The following DNAH5 variants were observed in gnomAD, a reference collection of about 807,000 sequenced individuals.
DNAH5 encodes the protein axonemal beta dynein heavy chain 5.
A neutral mutation model predicts 518.2 loss-of-function variants in DNAH5; 372 were observed. That is an observed-to-expected ratio of 0.72 (90% CI 0.66 to 0.78). DNAH5 has a LOEUF of 0.78. DNAH5 is among the 30% of genes least tolerant of loss of function. The pLI, the probability that DNAH5 is intolerant of heterozygous loss-of-function variation, is 0.00. For missense variants in DNAH5, 5,523 were observed against 5,687.0 expected (o/e 0.97, Z 0.93); for synonymous variants, 2,039 against 2,025.9 (o/e 1.01, Z -0.17).
At chr5:13,838,785 C>G (rs781363582) in intron 35 of DNAH5, among the ~76,000 whole-genome samples, 38 of 152,032 alleles carry the variant, frequency 2.5e-4, no homozygotes, top group Non-Finnish European at 5.1e-4. Flanking sequence ...GAGACCAATC[C>G]CTGGTGCCAG....
Position 13,727,644 on chromosome 5 carries a change from C to T in DNAH5, c.11896G>A (p.Glu3966Lys). 1.2e-6 allele frequency: 2 copies of T among 1,613,830 alleles called. No individual in the cohort carries two copies. The highest frequency in any genetic ancestry group is 1.7e-6 in the Non-Finnish European group (2 of 1,179,770). The change falls in exon 70 of 79, where the codon GAG becomes AAG. Residue 3966 changes from glutamate to lysine, a missense_variant. Coordinates refer to ENST00000265104, the MANE Select transcript of DNAH5 (RefSeq NM_001369.3). ...TCAAACCAAATTTTCCACATTTTCT[C>T]ATTTCTCGATATCTGAAAATACCAT... The part of the protein sequence containing the change: ...SDVLDQISRN[E>K]KMWKIWFDKE...
In DNAH5 at chr5:13,988,336, G is replaced by C. The variant is rs186287374; in HGVS notation, c.12+23312C>G. 5.8e-3 allele frequency among the ~76,000 whole-genome samples: 879 copies of C among 152,260 alleles called. 6 individuals carry two copies. Among genetic ancestry groups the C allele is most frequent in the Non-Finnish European group, 9.0e-3 (612 of 68,016 alleles). ...ATTTGTATCACAGGATGTTTGAGGA[G>C]GGCTGTGGCTCTGTTGTACTTTAAT... On this transcript the variant is annotated intron_variant, in intron 1 of 78. Transcript: ENST00000681290.
chr5:13,737,107 G>A (rs1415894927), intron 66 of DNAH5, 145 bp downstream of exon 66: 15 of 1,360,512 alleles, frequency 1.1e-5, no homozygotes, highest in East Asian at 2.3e-5. Context: ...CCATTTTACG[G>A]AATATTTCCC....
At chr5:13,892,888 T>C (rs1773461382) in intron 16 of DNAH5, among the ~76,000 whole-genome samples, 2 of 152,228 alleles carry the variant, frequency 1.3e-5, no homozygotes, top group Admixed American at 1.3e-4. Flanking sequence ...ATTTCTTACA[T>C]CTATGTAACA....
At chr5:14,006,081 C>G (rs574165727) in intron 1 of DNAH5, among the ~76,000 whole-genome samples, 2 of 149,158 alleles carry the variant, frequency 1.3e-5, no homozygotes, top group African/African-American at 4.9e-5. Flanking sequence ...TCCCCACACC[C>G]AACCCTGGCG....
At chr5:13,991,427 G>C (rs1783532185) in intron 1 of DNAH5, among the ~76,000 whole-genome samples, 1 of 151,012 alleles carries the variant, frequency 6.6e-6, no homozygotes, top group African/African-American at 2.4e-5. Flanking sequence ...TTGTCAGACA[G>C]ACCCAGACCC....
At chr5:13,870,684 C>A (rs1474565050) in intron 24 of DNAH5, 83 bp downstream of exon 24, 1 of 1,238,944 alleles carries the variant, frequency 8.1e-7, no homozygotes, top group East Asian at 2.4e-5. Flanking sequence ...TTAGTAACTT[C>A]ACTCCAGACC....
intron 1 of DNAH5, among the ~76,000 whole-genome samples, chr5:13,942,613 C>T (rs1353771580): frequency 6.6e-6 from 1 of 152,196 alleles, no homozygotes; most frequent in African/African-American, 2.4e-5. Context: ...CCGTCAGTCG[C>T]TGATTGGGTT....
chr5:13,714,948 A>C (rs1744096349), intron 74 of DNAH5, among the ~76,000 whole-genome samples: 1 of 152,202 alleles, frequency 6.6e-6, no homozygotes, highest in Non-Finnish European at 1.5e-5. Flanking sequence ...AGTCTAATAG[A>C]CTTCAAACCA....
intron 10 of DNAH5, 65 bp downstream of exon 10, chr5:13,914,455 T>G: frequency 1.3e-6 from 2 of 1,541,796 alleles, no homozygotes; most frequent in Middle Eastern, 2.2e-4. Context: ...CAAAATGATT[T>G]AAGATGGTCT....
chr5:13,735,124 T>C lies in DNAH5; in HGVS notation c.11761+7A>G, dbSNP rs1247696010. 6.2e-7 allele frequency: 1 copy of C among 1,613,720 alleles called. No homozygotes were observed. Among genetic ancestry groups the C allele is most frequent in the Non-Finnish European group, 8.5e-7 (1 of 1,179,726 alleles). On this transcript the variant is annotated splice_region_variant and intron_variant, in intron 68 of 78. Transcript: ENST00000265104. The stretch of plus-strand genomic sequence containing the variant: ...CTGTGCGCTATAGTCTCTATTCTTA[T>C]ATTGACCTTTAATAAGAGTGAGAAA...
chr5:13,743,919 C>T (rs1410535707), intron 65 of DNAH5, among the ~76,000 whole-genome samples: 7 of 151,822 alleles, frequency 4.6e-5, no homozygotes, highest in Non-Finnish European at 1.0e-4. Flanking sequence ...AAAAAGTACA[C>T]ACATGGATAC....
intron 50 of DNAH5, among the ~76,000 whole-genome samples, chr5:13,790,794 C>CA (rs1247537724): frequency 6.6e-6 from 1 of 152,136 alleles, no homozygotes; most frequent in Non-Finnish European, 1.5e-5. Context: ...TACCCAGTCT[C>CA]CAGCAGTTTT....
chr5:13,920,704 C>T lies in DNAH5; in HGVS notation c.661-87G>A, dbSNP rs1475735394. The T allele has an allele frequency of 2.7e-6, 4 of 1,487,796 alleles. No homozygotes were observed. The African/African-American group carries it at 4.2e-5, about 15-fold the overall frequency. The allele number at this position is 1,487,796 out of a possible 1,614,324, so 92.2% of individuals were successfully genotyped here. ...CCTGTGTTTTCCACTTTGCTGCACT[C>T]TGACAGCGCTCTGGAAAGCCCACCA... On this transcript the variant is annotated intron_variant, in intron 5 of 78. Transcript: ENST00000265104.
At chr5:13,794,177 C>A (rs1469605334) in intron 47 of DNAH5, 119 bp from the exon 48 acceptor site, 1 of 1,247,190 alleles carries the variant, frequency 8.0e-7, no homozygotes, top group African/African-American at 1.5e-5. Flanking sequence ...TTCTAAAAAG[C>A]CAAATTTCCC....
intron 3 of DNAH5, among the ~76,000 whole-genome samples, chr5:13,927,737 C>G (rs1295845886): frequency 3.9e-5 from 6 of 152,080 alleles, no homozygotes; most frequent in Non-Finnish European, 8.8e-5. Context: ...ATTATAAGTT[C>G]TAGAACATAA....
At chr5:13,938,906 C>G (rs191888437) in intron 1 of DNAH5, among the ~76,000 whole-genome samples, 6 of 152,222 alleles carry the variant, frequency 3.9e-5, no homozygotes, top group African/African-American at 1.2e-4. Flanking sequence ...GACAAATTCA[C>G]GAGCAGAAAA....
chr5:13,825,308 C>T (rs559690634), intron 38 of DNAH5, among the ~76,000 whole-genome samples: 18 of 152,108 alleles, frequency 1.2e-4, no homozygotes, highest in Middle Eastern at 3.4e-3. Context: ...AGCACTTGCA[C>T]TCCAGCCTGG....
chr5:13,768,207 G>A (rs1288841579), intron 58 of DNAH5, among the ~76,000 whole-genome samples: 1 of 152,178 alleles, frequency 6.6e-6, no homozygotes, highest in Non-Finnish European at 1.5e-5. Flanking sequence ...GGTGGGAGGT[G>A]ATTGGATCAT....
Sources: allele counts gnomAD v4.1 joint callset (sites outside exome capture counted in the v4.1 genomes callset), GRCh38; gene constraint gnomAD v4.1.1; transcripts MANE v1.5; gene names NCBI Gene and HGNC (gene_info 2026-07-23, HGNC 2026-07-21).